RNF150: variants seen among roughly 807,000 people sequenced by gnomAD.
RNF150 encodes the protein ring finger protein 150.
Under a neutral mutation model 39.3 loss-of-function variants are expected in RNF150, and 24 were observed. That is an observed-to-expected ratio of 0.61 (90% confidence interval 0.44 to 0.86). RNF150 has a LOEUF of 0.86. Among genes scored for constraint, RNF150 ranks in the 40% least tolerant of loss-of-function variants. RNF150 has a pLI of 0.00. For synonymous variants in RNF150, 255 were observed against 227.3 expected (o/e 1.12, Z -1.10); for missense variants, 502 against 587.8 (o/e 0.85, Z 1.51).
chr4:141,087,464 T>G (rs1291227839), intron 1 of RNF150, among the ~76,000 whole-genome samples: 1 of 152,210 alleles, frequency 6.6e-6, no homozygotes, highest in Non-Finnish European at 1.5e-5. Context: ...GCTAATTACC[T>G]ACTTTCACCT....
chr4:141,186,175 T>G (rs1273912071), intron 1 of RNF150, among the ~76,000 whole-genome samples: 1 of 152,186 alleles, frequency 6.6e-6, no homozygotes, highest in Non-Finnish European at 1.5e-5. Context: ...CTTTTTTTGG[T>G]TGGTAGGCTA....
At chr4:141,059,788 CT>C (rs1244626225) in intron 1 of RNF150, among the ~76,000 whole-genome samples, 1 of 151,958 alleles carries the variant, frequency 6.6e-6, no homozygotes, top group African/African-American at 2.4e-5. Flanking sequence ...AAACAGAAAA[CT>C]TTAACAGTCT....
At chr4:141,139,348 T>G (rs1425200021) in intron 1 of RNF150, among the ~76,000 whole-genome samples, 1 of 152,258 alleles carries the variant, frequency 6.6e-6, no homozygotes, top group East Asian at 1.9e-4. Flanking sequence ...GCGACAGATG[T>G]AATCATCTAG....
chr4:140,970,411 G>C (rs187728042), intron 1 of RNF150, among the ~76,000 whole-genome samples: 2 of 151,972 alleles, frequency 1.3e-5, no homozygotes, highest in Non-Finnish European at 2.9e-5. Flanking sequence ...GGCTGTTTTA[G>C]TTGTATAGCT....
chr4:141,068,027 C>T (rs1737531529), intron 1 of RNF150, among the ~76,000 whole-genome samples: 1 of 151,834 alleles, frequency 6.6e-6, no homozygotes, highest in African/African-American at 2.4e-5. Context: ...CTCACTGCAA[C>T]CTCTGCCTCC....
rs530382921 is a variant in RNF150 at position 141,119,635 on chromosome 4, G to C, written c.484+12690C>G. Among the ~76,000 whole-genome samples the C allele has an allele frequency of 2.0e-5, 3 of 152,266 alleles. No individual in the cohort carries two copies. In the South Asian group the frequency reaches 6.2e-4, roughly 32 times the overall value. On this transcript the variant is annotated intron_variant, in intron 1 of 6. Transcript: ENST00000515673. ...GTAAATACTCACAGGTAGCATCCAG[G>C]CCTCTTTAGAAACACTGGCGTGATA... is the stretch of plus-strand genomic sequence containing the variant.
intron 1 of RNF150, among the ~76,000 whole-genome samples, chr4:141,178,052 G>A (rs1727844307): frequency 1.3e-5 from 2 of 152,096 alleles, no homozygotes; most frequent in South Asian, 2.1e-4. Context: ...TTAGCAGGAA[G>A]TAAACTAAAA....
intron 1 of RNF150, among the ~76,000 whole-genome samples, chr4:141,101,326 T>C (rs1739000982): frequency 6.6e-6 from 1 of 152,216 alleles, no homozygotes; most frequent in African/African-American, 2.4e-5. Context: ...TTTTAAACTT[T>C]CTTGTTAAAA....
chr4:140,879,159 T>C (rs1307682663), intron 6 of RNF150, among the ~76,000 whole-genome samples: 2 of 152,224 alleles, frequency 1.3e-5, no homozygotes, highest in Non-Finnish European at 2.9e-5. Flanking sequence ...TAATATGTTT[T>C]GAAATTAGGA....
At chr4:140,888,118 G>T (rs1261831979) in intron 6 of RNF150, among the ~76,000 whole-genome samples, 1 of 152,170 alleles carries the variant, frequency 6.6e-6, no homozygotes, top group Non-Finnish European at 1.5e-5. Flanking sequence ...AGAATCTCTG[G>T]TTGCTCATCT....
intron 1 of RNF150, among the ~76,000 whole-genome samples, chr4:141,027,659 T>G (rs1301242413): frequency 6.6e-6 from 1 of 152,262 alleles, no homozygotes; most frequent in South Asian, 2.1e-4. Context: ...ATCTTCCCTC[T>G]CTTTTCCTGT....
chr4:141,116,584 A>G (rs985611791), intron 1 of RNF150, among the ~76,000 whole-genome samples: 1 of 152,224 alleles, frequency 6.6e-6, no homozygotes, highest in African/African-American at 2.4e-5. Context: ...CAGTGTAGCA[A>G]TTCCTCAAGA....
intron 1 of RNF150, among the ~76,000 whole-genome samples, chr4:141,018,932 C>T (rs1735378543): frequency 6.6e-6 from 1 of 151,142 alleles, no homozygotes. Context: ...CAGGTTTTTT[C>T]CTAGGGTTGT....
intron 1 of RNF150, among the ~76,000 whole-genome samples, chr4:141,147,260 A>G (rs1407794469): frequency 6.6e-6 from 1 of 152,262 alleles, no homozygotes; most frequent in African/African-American, 2.4e-5. Context: ...TTTATTGTTC[A>G]TATGTAGTCC....
chr4:140,920,938 C>A (rs1226229959), intron 5 of RNF150, among the ~76,000 whole-genome samples: 2 of 151,632 alleles, frequency 1.3e-5, no homozygotes. Context: ...ATCACAAGAA[C>A]AAAAAACCAA....
intron 1 of RNF150, among the ~76,000 whole-genome samples, chr4:141,173,312 A>G (rs1294517813): frequency 6.6e-6 from 1 of 152,196 alleles, no homozygotes; most frequent in Non-Finnish European, 1.5e-5. Context: ...TCTTTTATAA[A>G]GTTTTGATTA....
chr4:140,926,796 G>T (rs1410316602), intron 4 of RNF150, among the ~76,000 whole-genome samples: 1 of 152,198 alleles, frequency 6.6e-6, no homozygotes, highest in Non-Finnish European at 1.5e-5. Context: ...AGTCCACACA[G>T]AGATGTCAGG....
intron 1 of RNF150, among the ~76,000 whole-genome samples, chr4:141,078,377 T>A (rs553557393): frequency 6.6e-6 from 1 of 152,160 alleles, no homozygotes; most frequent in Non-Finnish European, 1.5e-5. Flanking sequence ...TGGGGCTCCA[T>A]TTACATGCTT....
intron 1 of RNF150, among the ~76,000 whole-genome samples, chr4:141,044,128 C>T (rs1181621315): frequency 6.6e-6 from 1 of 152,192 alleles, no homozygotes; most frequent in East Asian, 1.9e-4. Flanking sequence ...TTAAATGACA[C>T]ATTAACATTG....
Sources: gnomAD v4.1 joint callset for allele counts (sites outside exome capture counted in the v4.1 genomes callset) on GRCh38, gnomAD v4.1.1 for gene constraint, MANE v1.5 for transcripts, NCBI Gene and HGNC (gene_info 2026-07-23, HGNC 2026-07-21) for gene names.